The following AK5 variants were observed in gnomAD, a reference collection of about 807,000 sequenced individuals.
The protein encoded by AK5 is adenylate kinase 5.
A neutral mutation model predicts 69.5 loss-of-function variants in AK5; 27 were observed. That is an observed-to-expected ratio of 0.39 (90% CI 0.29 to 0.54). The LOEUF (loss-of-function observed/expected upper bound fraction) is 0.54. AK5 is among the 20% of genes least tolerant of loss of function. The probability of loss-of-function intolerance (pLI) is 0.71; values close to 1 mark genes in which losing one functional copy is unlikely to be tolerated. For synonymous variants in AK5, 260 were observed against 244.4 expected, an observed-to-expected ratio of 1.06 and a Z score of -0.60; for missense variants, 531 against 700.4, an observed-to-expected ratio of 0.76 and a Z score of 2.73.
chr1:77,552,405 T>G (rs577957312), intron 13 of AK5, among the ~76,000 whole-genome samples: 11 of 152,272 alleles, frequency 7.2e-5, no homozygotes, highest in South Asian at 2.1e-4. Flanking sequence ...CATTGAACAT[T>G]TTTTTTCTTT....
At chr1:77,508,887 G>T (rs550394502) in intron 10 of AK5, among the ~76,000 whole-genome samples, 3 of 150,762 alleles carry the variant, frequency 2.0e-5, no homozygotes, top group South Asian at 2.1e-4. Flanking sequence ...AAAAGAAGAA[G>T]GTGGGGATGA....
At chr1:77,304,410 C>CTTTTT (rs59515509) in intron 5 of AK5, among the ~76,000 whole-genome samples, 1 of 142,006 alleles carries the variant, frequency 7.0e-6, no homozygotes, top group African/African-American at 2.6e-5. Context: ...CTTTTCTTTT[C>CTTTTT]TTTTTTTTTT....
intron 8 of AK5, among the ~76,000 whole-genome samples, chr1:77,453,683 T>C (rs1348171261): frequency 6.6e-6 from 1 of 152,228 alleles, no homozygotes; most frequent in Non-Finnish European, 1.5e-5. Context: ...TTTCTTCCTC[T>C]TCCAAATCTC....
intron 5 of AK5, among the ~76,000 whole-genome samples, chr1:77,315,765 T>C (rs1660214091): frequency 6.6e-6 from 1 of 152,154 alleles, no homozygotes; most frequent in African/African-American, 2.4e-5. Context: ...GCTTAATTTA[T>C]TCTGCTTGTT....
intron 10 of AK5, among the ~76,000 whole-genome samples, chr1:77,518,251 G>A (rs1421905324): frequency 6.6e-6 from 1 of 152,174 alleles, no homozygotes; most frequent in African/African-American, 2.4e-5. Context: ...TGCCCCGATA[G>A]TAGGCTGTAC....
At chr1:77,389,648 A>G (rs1648280207) in intron 6 of AK5, among the ~76,000 whole-genome samples, 1 of 152,198 alleles carries the variant, frequency 6.6e-6, no homozygotes, top group African/African-American at 2.4e-5. Context: ...GCATAATATG[A>G]CACCACAGTG....
intron 10 of AK5, among the ~76,000 whole-genome samples, chr1:77,488,194 T>C (rs1174165665): frequency 6.6e-6 from 1 of 152,206 alleles, no homozygotes; most frequent in African/African-American, 2.4e-5. Flanking sequence ...TACCTCTAGC[T>C]GACCTTAACT....
At chr1:77,286,830 G>C in intron 1 of AK5, 111 bp from the exon 2 acceptor site, 1 of 646,902 alleles carries the variant, frequency 1.5e-6, no homozygotes. Flanking sequence ...CTGGGCAGCA[G>C]AGTGAGACTC....
intron 6 of AK5, among the ~76,000 whole-genome samples, chr1:77,408,911 C>T (rs1649841560): frequency 6.6e-6 from 1 of 152,164 alleles, no homozygotes; most frequent in Non-Finnish European, 1.5e-5. Context: ...TCTGCCTCCT[C>T]CTACTCTCCC....
At chr1:77,315,639 T>A (rs1254411422) in intron 5 of AK5, among the ~76,000 whole-genome samples, 1 of 152,110 alleles carries the variant, frequency 6.6e-6, no homozygotes. Flanking sequence ...TGATTTTATT[T>A]GTTGTTTTGT....
chr1:77,282,515 C>T, intron 1 of AK5, 142 bp downstream of exon 1: 1 of 1,378,660 alleles, frequency 7.3e-7, no homozygotes, highest in South Asian at 1.8e-5. Context: ...CGCCCGCTCC[C>T]CCGAGGGTAG....
At position 77,314,790 on chromosome 1, in the gene AK5, G is replaced by A. The variant is rs189960048; in HGVS notation, c.699+16843G>A. On this transcript the variant is annotated intron_variant, in intron 5 of 13. Transcript: ENST00000354567. ...TAAAGGTACTGTTTAATTCTAGCAG[G>A]AGAATAAAGTGAATGGGAGAGAGGC... 2.0e-5 allele frequency: 3 copies of A among 152,244 alleles called. No homozygotes were observed. In the East Asian group the frequency reaches 5.8e-4, roughly 29 times the overall value. The allele number at this position is 152,244 out of a possible 1,614,324, so 9.4% of individuals were successfully genotyped here.
intron 12 of AK5, among the ~76,000 whole-genome samples, chr1:77,532,677 A>C (rs1658716307): frequency 6.6e-6 from 1 of 152,226 alleles, no homozygotes; most frequent in Non-Finnish European, 1.5e-5. Context: ...AGCTGCTGAA[A>C]TGTTGCTGAT....
intron 8 of AK5, 58 bp from the exon 9 acceptor site, chr1:77,483,259 A>C: frequency 7.6e-7 from 1 of 1,317,592 alleles, no homozygotes; most frequent in Non-Finnish European, 1.1e-6. Flanking sequence ...AGTGTTGCCA[A>C]GGAGTTCAGC....
chr1:77,405,712 A>T (rs1030066499), intron 6 of AK5, among the ~76,000 whole-genome samples: 1 of 152,118 alleles, frequency 6.6e-6, no homozygotes, highest in African/African-American at 2.4e-5. Flanking sequence ...CCCCTAGGAA[A>T]ACTTGGAGCA....
At chr1:77,440,625 T>C (rs1036165549) in intron 8 of AK5, among the ~76,000 whole-genome samples, 2 of 152,208 alleles carry the variant, frequency 1.3e-5, no homozygotes, top group African/African-American at 4.8e-5. Flanking sequence ...TAAAAATATT[T>C]GTTCACTTAA....
At chr1:77,528,212 G>C (rs1658391665) in intron 12 of AK5, among the ~76,000 whole-genome samples, 1 of 152,150 alleles carries the variant, frequency 6.6e-6, no homozygotes, top group Admixed American at 6.5e-5. Context: ...ATTTGACAAA[G>C]ACAAATGCAG....
At chr1:77,289,086 T>C (rs1178820247) in intron 2 of AK5, among the ~76,000 whole-genome samples, 1 of 152,226 alleles carries the variant, frequency 6.6e-6, no homozygotes, top group African/African-American at 2.4e-5. Context: ...TCTGGTTTGA[T>C]AACCAAGATG....
chr1:77,411,624 C>G (rs1650050828), intron 7 of AK5, among the ~76,000 whole-genome samples: 1 of 152,158 alleles, frequency 6.6e-6, no homozygotes, highest in Admixed American at 6.6e-5. Flanking sequence ...CTCTCATTCT[C>G]TCCGTACTCT....
Sources: allele counts gnomAD v4.1 joint callset (sites outside exome capture counted in the v4.1 genomes callset), GRCh38; gene constraint gnomAD v4.1.1; transcripts MANE v1.5; gene names NCBI Gene and HGNC (gene_info 2026-07-23, HGNC 2026-07-21).